The following CNTN5 variants were observed in gnomAD, a reference collection of about 807,000 sequenced individuals.
CNTN5 encodes the protein contactin-5.
Under a neutral mutation model 129.1 loss-of-function variants are expected in CNTN5, and 77 were observed. The observed-to-expected ratio is 0.60, with a 90% confidence interval of 0.50 to 0.72. The LOEUF is 0.72. Ranked by LOEUF, CNTN5 falls within the 30% of genes least tolerant of loss-of-function variation. CNTN5 has a pLI of 0.00. For missense variants in CNTN5, 1,478 were observed against 1,328.8 expected (o/e 1.11, Z -1.75); for synonymous variants, 509 against 465.6 (o/e 1.09, Z -1.20).
chr11:100,030,207 T>A (rs1423564192), intron 9 of CNTN5, among the ~76,000 whole-genome samples: 1 of 72,754 alleles, frequency 1.4e-5, no homozygotes, highest in Non-Finnish European at 2.4e-5. Flanking sequence ...AGACCCCATC[T>A]CTAAAAAGAA....
intron 2 of CNTN5, among the ~76,000 whole-genome samples, chr11:99,329,616 G>A (rs951795280): frequency 6.6e-6 from 1 of 152,112 alleles, no homozygotes; most frequent in Non-Finnish European, 1.5e-5. Context: ...TATACAGAGT[G>A]AATCCCAGAC....
intron 3 of CNTN5, among the ~76,000 whole-genome samples, chr11:99,639,955 T>C (rs1440088281): frequency 6.6e-6 from 1 of 152,148 alleles, no homozygotes; most frequent in African/African-American, 2.4e-5. Flanking sequence ...CACAAATCTC[T>C]AGGGCAGGGA....
chr11:100,191,586 A>G (rs1317507693), intron 14 of CNTN5, among the ~76,000 whole-genome samples: 1 of 152,054 alleles, frequency 6.6e-6, no homozygotes, highest in African/African-American at 2.4e-5. Context: ...TACCAAGAAT[A>G]ATTTTAGCAT....
intron 1 of CNTN5, among the ~76,000 whole-genome samples, chr11:99,245,447 TAACAGGGATTACA>T (rs1406065964): frequency 6.6e-6 from 1 of 152,102 alleles, no homozygotes; most frequent in Admixed American, 6.6e-5. Context: ...GCCTCCCAAG[TAACAGGGATTACA>T]AGCACTGCCT....
intron 2 of CNTN5, among the ~76,000 whole-genome samples, chr11:99,441,447 T>C (rs1212721655): frequency 6.6e-6 from 1 of 152,156 alleles, no homozygotes; most frequent in Non-Finnish European, 1.5e-5. Flanking sequence ...ACCCCCACGT[T>C]AATATACTAG....
At chr11:99,693,137 AT>A (rs1954110413) in intron 3 of CNTN5, among the ~76,000 whole-genome samples, 2 of 152,224 alleles carry the variant, frequency 1.3e-5, no homozygotes, top group Admixed American at 1.3e-4. Context: ...ACTTCTAGCT[AT>A]TTTTGAAAGT....
intron 2 of CNTN5, among the ~76,000 whole-genome samples, chr11:99,546,010 T>TG (rs34079189): frequency 0.54 from 81,373 of 151,932 alleles, 22,201 homozygotes; most frequent in African/African-American, 0.61. Context: ...CAGTAGGAAA[T>TG]GAAAAAGTCA....
In CNTN5 at chr11:99,624,081, C is replaced by T. The variant is rs1244193998; in HGVS notation, c.55+67812C>T. On this transcript the variant is annotated intron_variant, in intron 3 of 24. Transcript: ENST00000524871. The stretch of plus-strand genomic sequence containing the variant: ...ATTTGATGGTAATCTTCTGAACCCT[C>T]ATTTGGTTTATCAGCATGTCTCCTC... Among the ~76,000 whole-genome samples the T allele has an allele frequency of 2.0e-5, 3 of 152,136 alleles. No individual in the cohort carries two copies. In the East Asian group the frequency reaches 5.8e-4, roughly 30 times the overall value.
chr11:100,202,713 A>C (rs926609634), intron 15 of CNTN5, among the ~76,000 whole-genome samples: 8 of 151,876 alleles, frequency 5.3e-5, no homozygotes. Context: ...TTCTTCCCTC[A>C]TAGGTATTAT....
chr11:99,473,124 T>A lies in CNTN5; in HGVS notation c.-70-83021T>A, dbSNP rs374757620. ...ACATTCCACTGTAAAAAGAAAGGGCTAGTTCTTATACTAGAATGAATTATT... is the reference window on the plus strand; with the variant it reads ...ACATTCCACTGTAAAAAGAAAGGGCAAGTTCTTATACTAGAATGAATTATT... On this transcript the variant is annotated intron_variant, in intron 2 of 24. Coordinates refer to ENST00000524871, the MANE Select transcript of CNTN5 (RefSeq NM_014361.4). Among the ~76,000 whole-genome samples, 4 of 152,306 alleles carry A rather than the reference T, an allele frequency of 2.6e-5. No homozygotes were observed. The East Asian group carries it at 5.8e-4, about 22-fold the overall frequency.
At chr11:99,584,418 T>C (rs919836456) in intron 3 of CNTN5, among the ~76,000 whole-genome samples, 3 of 152,190 alleles carry the variant, frequency 2.0e-5, no homozygotes, top group African/African-American at 7.2e-5. Flanking sequence ...AGAGTGTCCA[T>C]GGTGTTAAAA....
intron 6 of CNTN5, among the ~76,000 whole-genome samples, chr11:99,883,988 G>T (rs1315756761): frequency 1.3e-5 from 2 of 152,094 alleles, no homozygotes; most frequent in African/African-American, 4.8e-5. Flanking sequence ...AATTCATATT[G>T]GGGAATATGT....
intron 1 of CNTN5, among the ~76,000 whole-genome samples, chr11:99,121,627 G>A (rs955487991): frequency 1.3e-5 from 2 of 152,130 alleles, no homozygotes; most frequent in Non-Finnish European, 2.9e-5. Flanking sequence ...AATCTCAGGC[G>A]ATTTGGCAAC....
chr11:99,537,224 C>T (rs191481406), intron 2 of CNTN5, among the ~76,000 whole-genome samples: 1 of 152,234 alleles, frequency 6.6e-6, no homozygotes, highest in East Asian at 1.9e-4. Context: ...AAGATTTGAT[C>T]TCATATTAAG....
intron 7 of CNTN5, among the ~76,000 whole-genome samples, chr11:99,955,382 A>G (rs1283867676): frequency 1.3e-5 from 2 of 151,978 alleles, no homozygotes; most frequent in African/African-American, 4.8e-5. Context: ...ATAAATTATT[A>G]ATAAAATATT....
chr11:99,841,934 A>T (rs962476017), intron 4 of CNTN5, among the ~76,000 whole-genome samples: 19 of 151,108 alleles, frequency 1.3e-4, no homozygotes, highest in African/African-American at 4.6e-4. Context: ...TTGCCCAGAC[A>T]GGAGTGCAGT....
chr11:99,950,513 C>A (rs541679992), intron 7 of CNTN5, among the ~76,000 whole-genome samples: 54 of 152,276 alleles, frequency 3.5e-4, no homozygotes, highest in Middle Eastern at 3.4e-3. Context: ...AATCTTGATT[C>A]TTTCTCTTGG....
At chr11:99,869,490 A>T (rs1272531175) in intron 6 of CNTN5, among the ~76,000 whole-genome samples, 2 of 152,200 alleles carry the variant, frequency 1.3e-5, no homozygotes, top group Non-Finnish European at 2.9e-5. Context: ...AGATTACTTA[A>T]GAATTTTAGC....
intron 3 of CNTN5, among the ~76,000 whole-genome samples, chr11:99,684,543 T>TA (rs1565424703): frequency 1.3e-5 from 2 of 151,930 alleles, no homozygotes; most frequent in Non-Finnish European, 2.9e-5. Context: ...TGATAGCAGA[T>TA]ACGCTTTTCC....
Sources: gnomAD v4.1 joint callset for allele counts (sites outside exome capture counted in the v4.1 genomes callset) on GRCh38, gnomAD v4.1.1 for gene constraint, MANE v1.5 for transcripts, NCBI Gene and HGNC (gene_info 2026-07-23, HGNC 2026-07-21) for gene names.